COL5A2: variants seen among roughly 807,000 people sequenced by gnomAD.
COL5A2 encodes the protein collagen type V alpha 2 chain, also known as collagen alpha-2(V) chain.
Under a neutral mutation model 208.2 loss-of-function variants are expected in COL5A2, and 23 were observed. The observed-to-expected ratio is 0.11, with a 90% confidence interval of 0.08 to 0.16. The LOEUF (loss-of-function observed/expected upper bound fraction) is 0.16, where lower values mean the gene tolerates loss of function less well. COL5A2 is among the 10% of genes least tolerant of loss of function. The pLI is 1.00. For missense variants in COL5A2, 1,590 were observed against 1,956.4 expected (o/e 0.81, Z 3.53); for synonymous variants, 625 against 628.5 (o/e 0.99, Z 0.08).
intron 12 of COL5A2, among the ~76,000 whole-genome samples, chr2:189,082,518 C>T (rs1297004220): frequency 6.6e-6 from 1 of 152,174 alleles, no homozygotes; most frequent in Non-Finnish European, 1.5e-5. Context: ...AGTGCAGACC[C>T]GTCTAAGCCT....
At chr2:189,125,268 T>C (rs1687585483) in intron 1 of COL5A2, among the ~76,000 whole-genome samples, 1 of 152,172 alleles carries the variant, frequency 6.6e-6, no homozygotes, top group African/African-American at 2.4e-5. Context: ...AGTATCTGAA[T>C]TGGTAAATAA....
chr2:189,223,604 T>C (rs907696996), intron 1 of COL5A2, among the ~76,000 whole-genome samples: 2 of 152,134 alleles, frequency 1.3e-5, no homozygotes, highest in African/African-American at 2.4e-5. Context: ...ATAAATAAAT[T>C]TGTGGTTATA....
chr2:189,036,527 A>G, intron 52 of COL5A2, 89 bp downstream of exon 52: 1 of 1,105,686 alleles, frequency 9.0e-7, no homozygotes, highest in Non-Finnish European at 1.3e-6. Flanking sequence ...GCCTGGTTTA[A>G]AAAAATAGCA....
intron 3 of COL5A2, among the ~76,000 whole-genome samples, chr2:189,100,434 G>A (rs1042320445): frequency 3.3e-5 from 5 of 151,990 alleles, no homozygotes; most frequent in African/African-American, 1.2e-4. Context: ...GCACAAAATA[G>A]TTGCAACAAA....
At chr2:189,213,223 G>T (rs1185657809) in intron 1 of COL5A2, among the ~76,000 whole-genome samples, 7 of 151,924 alleles carry the variant, frequency 4.6e-5, no homozygotes, top group Non-Finnish European at 1.0e-4. Flanking sequence ...TTAAAGGGGG[G>T]AGTTGTATAA....
chr2:189,326,352 A>G, the COL5A2 span, among the ~76,000 whole-genome samples: 1 of 152,152 alleles, frequency 6.6e-6, no homozygotes, highest in Non-Finnish European at 1.5e-5. Context: ...AGATGTAGAA[A>G]GAAAATTTTA....
intron 1 of COL5A2, among the ~76,000 whole-genome samples, chr2:189,133,298 T>A (rs1687760185): frequency 6.6e-6 from 1 of 151,296 alleles, no homozygotes; most frequent in African/African-American, 2.4e-5. Flanking sequence ...TTTTTGTATT[T>A]TTAGTAGAGA....
At chr2:189,431,910 T>C in the COL5A2 span, among the ~76,000 whole-genome samples, 185 of 151,952 alleles carry the variant, frequency 1.2e-3, no homozygotes, top group African/African-American at 4.1e-3. Flanking sequence ...TTCACCAAGG[T>C]AGAAATGAAG....
At chr2:189,209,674 T>C (rs956509820) in intron 1 of COL5A2, among the ~76,000 whole-genome samples, 1 of 152,236 alleles carries the variant, frequency 6.6e-6, no homozygotes, top group Non-Finnish European at 1.5e-5. Context: ...ATTTGGATGC[T>C]AATTCAACAG....
chr2:189,398,207 G>A, the COL5A2 span, among the ~76,000 whole-genome samples: 4 of 152,006 alleles, frequency 2.6e-5, no homozygotes, highest in Non-Finnish European at 4.4e-5. Context: ...AAAATGTGTT[G>A]AGCCGGCCAA....
intron 5 of COL5A2, among the ~76,000 whole-genome samples, chr2:189,098,033 T>TCCC (rs372659921): frequency 8.7e-6 from 1 of 114,890 alleles, no homozygotes; most frequent in Non-Finnish European, 2.0e-5. Context: ...TTAAAATGTT[T>TCCC]TTCCCCCCCT....
At chr2:189,285,772 A>G in the COL5A2 span, among the ~76,000 whole-genome samples, 21,454 of 152,190 alleles carry the variant, frequency 0.14, 1,943 homozygotes, top group South Asian at 0.21. Context: ...CCTTTGATAA[A>G]CTAAAATGTG....
the COL5A2 span, among the ~76,000 whole-genome samples, chr2:189,316,784 CA>C: frequency 0.77 from 105,501 of 136,890 alleles, 39,308 homozygotes; most frequent in East Asian, 0.88. Context: ...CACTTAAAAG[CA>C]AAAAAAAAAA....
At chr2:189,238,016 C>T in the COL5A2 span, among the ~76,000 whole-genome samples, 7 of 151,750 alleles carry the variant, frequency 4.6e-5, no homozygotes, top group African/African-American at 1.7e-4. Context: ...TTGAAATTGT[C>T]CATGGGTCTT....
chr2:189,310,922 G>A, the COL5A2 span, among the ~76,000 whole-genome samples: 1 of 152,108 alleles, frequency 6.6e-6, no homozygotes. Flanking sequence ...GGTTACCAGG[G>A]GCTGGGAAGG....
chr2:189,397,854 T>C, the COL5A2 span, among the ~76,000 whole-genome samples: 1 of 152,034 alleles, frequency 6.6e-6, no homozygotes, highest in Non-Finnish European at 1.5e-5. Flanking sequence ...TTTTTTAGTT[T>C]AATATTCTGT....
chr2:189,301,783 T>G, the COL5A2 span, among the ~76,000 whole-genome samples: 2 of 152,208 alleles, frequency 1.3e-5, no homozygotes, highest in Non-Finnish European at 2.9e-5. Flanking sequence ...AAAATATTCA[T>G]ATTGTTGTAT....
At chr2:189,204,641 G>C (rs1401782558) in intron 1 of COL5A2, among the ~76,000 whole-genome samples, 1 of 151,990 alleles carries the variant, frequency 6.6e-6, no homozygotes, top group Non-Finnish European at 1.5e-5. Context: ...TTTTCCTTTA[G>C]ATTTCTGTCC....
At chr2:189,122,723 A>C (rs1687531010) in intron 1 of COL5A2, among the ~76,000 whole-genome samples, 1 of 152,224 alleles carries the variant, frequency 6.6e-6, no homozygotes, top group African/African-American at 2.4e-5. Flanking sequence ...TGCCTGATAC[A>C]TGAAATGCTT....
Sources: allele counts gnomAD v4.1 joint callset (sites outside exome capture counted in the v4.1 genomes callset), GRCh38; gene constraint gnomAD v4.1.1; transcripts MANE v1.5; gene names NCBI Gene and HGNC (gene_info 2026-07-23, HGNC 2026-07-21).